The following APBB1IP variants were observed in gnomAD, a reference collection of about 807,000 sequenced individuals.
The protein encoded by APBB1IP is amyloid beta A4 precursor protein-binding family B member 1-interacting protein.
In APBB1IP, 27 loss-of-function variants were observed where a neutral mutation model predicts 64.9. That is an observed-to-expected ratio of 0.42 (90% CI 0.31 to 0.57). The LOEUF (loss-of-function observed/expected upper bound fraction) is 0.57. Ranked by LOEUF, APBB1IP falls within the 20% of genes least tolerant of loss-of-function variation. APBB1IP has a pLI of 0.20. For synonymous variants in APBB1IP, 392 were observed against 331.0 expected (o/e 1.18, Z -2.00); for missense variants, 812 against 845.5 (o/e 0.96, Z 0.49).
At chr10:26,524,071 A>G (rs1046632125) in intron 8 of APBB1IP, among the ~76,000 whole-genome samples, 2 of 152,112 alleles carry the variant, frequency 1.3e-5, no homozygotes, top group African/African-American at 4.8e-5. Flanking sequence ...AGGAGATTAG[A>G]AGGACCTTCT....
chr10:26,560,309 C>G, intron 12 of APBB1IP, 106 bp downstream of exon 12: 1 of 1,013,548 alleles, frequency 9.9e-7, no homozygotes, highest in South Asian at 1.3e-5. Flanking sequence ...CCCTTGGGTT[C>G]AGCCACAGAC....
rs182625522 is a variant in APBB1IP, at chr10:26,505,038, G to A, written c.531+1764G>A. ...CACAAAGTGGTGGGATTACAGGTGTGAGCCACCATGCCTGGCTCTTCATCT... is the reference window on the plus strand; with the variant it reads ...CACAAAGTGGTGGGATTACAGGTGTAAGCCACCATGCCTGGCTCTTCATCT... On this transcript the variant is annotated intron_variant, in intron 6 of 14. Transcript: ENST00000376236. Among the ~76,000 whole-genome samples the A allele has an allele frequency of 1.1e-4, 17 of 152,304 alleles. No individual in the cohort carries two copies. In the East Asian group the frequency reaches 3.3e-3, roughly 29 times the overall value.
At position 26,480,473 on chromosome 10, in the gene APBB1IP, GA is replaced by G. The variant is rs1230984887; in HGVS notation, c.1-11850del. 1.1e-4 allele frequency among the ~76,000 whole-genome samples: 17 copies of G among 152,232 alleles called. No individual in the cohort carries two copies. In the East Asian group the frequency reaches 1.9e-3, roughly 17 times the overall value. On this transcript the variant is annotated intron_variant, in intron 2 of 14. Transcript: ENST00000376236. ...AAAACTGTCAGGAAAGCCAAGTGAA[GA>G]AAATATTTCCAGGAGGGAGTGATCA...
intron 2 of APBB1IP, among the ~76,000 whole-genome samples, chr10:26,473,768 G>A (rs972490545): frequency 1.3e-5 from 2 of 152,106 alleles, no homozygotes; most frequent in Non-Finnish European, 2.9e-5. Context: ...TTGGGAGGCC[G>A]AGGTGGGCAG....
At chr10:26,496,198 G>T in intron 3 of APBB1IP, 106 bp from the exon 4 acceptor site, 1 of 809,972 alleles carries the variant, frequency 1.2e-6, no homozygotes, top group Non-Finnish European at 2.0e-6. Context: ...AACACACTAA[G>T]GGAGAAAATG....
At chr10:26,443,543 TATTCATTC>T (rs1157943416) in intron 2 of APBB1IP, among the ~76,000 whole-genome samples, 1 of 150,290 alleles carries the variant, frequency 6.7e-6, no homozygotes, top group Non-Finnish European at 1.5e-5. Flanking sequence ...TTTATTTATT[TATTCATTC>T]ATTCATTCAT....
chr10:26,503,734 C>T (rs1308843449), intron 6 of APBB1IP, among the ~76,000 whole-genome samples: 1 of 152,172 alleles, frequency 6.6e-6, no homozygotes, highest in African/African-American at 2.4e-5. Flanking sequence ...TAAGAGTACA[C>T]AATTGTTCTT....
intron 10 of APBB1IP, among the ~76,000 whole-genome samples, chr10:26,540,893 C>G (rs1420881429): frequency 1.3e-5 from 2 of 151,208 alleles, no homozygotes; most frequent in Non-Finnish European, 2.9e-5. Context: ...TGCTGATTTA[C>G]TGAGCATAAG....
intron 2 of APBB1IP, among the ~76,000 whole-genome samples, chr10:26,490,395 C>T (rs1460717419): frequency 2.0e-5 from 3 of 152,172 alleles, no homozygotes; most frequent in South Asian, 2.1e-4. Flanking sequence ...GAAGCAGAGG[C>T]GGGCGGATCA....
In APBB1IP at chr10:26,566,976, C is replaced by G. The variant is rs763244242; in HGVS notation, c.1489C>G (p.Leu497Val). Residue 497 changes from leucine to valine, a missense_variant, in exon 15 of 15, where the codon CTC becomes GTC. Physicochemically the swap from Leu to Val is conservative, Grantham distance 32. Coordinates refer to ENST00000376236, the MANE Select transcript of APBB1IP (RefSeq NM_019043.4). The stretch of plus-strand genomic sequence containing the variant: ...TCGGTTGCAGGATAAGAAGCCAGCC[C>G]TCGGGAACCACCACGACCCGGCAGT... Reference protein sequence around the residue: ...AETSKDKKPALGNHHDPAVPR... With the variant: ...AETSKDKKPAVGNHHDPAVPR... The G allele has an allele frequency of 6.3e-7, 1 of 1,580,994 alleles. No homozygotes were observed. The highest frequency in any genetic ancestry group is 8.5e-7 in the Non-Finnish European group (1 of 1,172,586).
intron 2 of APBB1IP, among the ~76,000 whole-genome samples, chr10:26,487,988 C>T (rs766454194): frequency 6.6e-6 from 1 of 152,176 alleles, no homozygotes; most frequent in Non-Finnish European, 1.5e-5. Flanking sequence ...AATGTGTTAA[C>T]ACCAATAATT....
At chr10:26,563,248 G>A (rs907918122) in intron 14 of APBB1IP, among the ~76,000 whole-genome samples, 1 of 152,130 alleles carries the variant, frequency 6.6e-6, no homozygotes, top group Non-Finnish European at 1.5e-5. Context: ...AACTACCTGG[G>A]ATGCTGAGGC....
At chr10:26,545,314 G>A (rs2132472113) in intron 11 of APBB1IP, among the ~76,000 whole-genome samples, 1 of 150,610 alleles carries the variant, frequency 6.6e-6, no homozygotes, top group East Asian at 2.0e-4. Flanking sequence ...GAGGGATTAA[G>A]GATACAGGGA....
chr10:26,523,000 A>G (rs548689895), intron 8 of APBB1IP, among the ~76,000 whole-genome samples: 3 of 123,296 alleles, frequency 2.4e-5, no homozygotes, highest in Admixed American at 8.8e-5. Context: ...GTGAAATGAA[A>G]CTCCATCTCC....
In APBB1IP at chr10:26,513,715, T is replaced by A. The variant is rs1836289737; in HGVS notation, c.813+55T>A. On this transcript the variant is annotated intron_variant, in intron 8 of 14. Coordinates refer to ENST00000376236, the MANE Select transcript of APBB1IP (RefSeq NM_019043.4). ...ATAAAGTACAAAGGATTTTTTTTTT[T>A]TTTGAGACGGAGTCTCAAAGGCTGG... is the stretch of plus-strand genomic sequence containing the variant. The A allele has an allele frequency of 6.5e-6, 10 of 1,543,740 alleles. No individual in the cohort carries two copies. In the South Asian group the frequency reaches 1.3e-4, roughly 20 times the overall value.
At chr10:26,447,528 G>A (rs929675367) in intron 2 of APBB1IP, among the ~76,000 whole-genome samples, 4 of 152,156 alleles carry the variant, frequency 2.6e-5, no homozygotes, top group Admixed American at 2.6e-4. Flanking sequence ...ATGTAACATA[G>A]AATGAGTAAT....
intron 10 of APBB1IP, among the ~76,000 whole-genome samples, chr10:26,538,774 T>G (rs1314576753): frequency 6.6e-6 from 1 of 152,200 alleles, no homozygotes; most frequent in Non-Finnish European, 1.5e-5. Context: ...TTTTATTTAC[T>G]TGAAATTCAC....
At chr10:26,445,125 AAGAAAAGAAAGAAAGAAAG>A (rs1835378490) in intron 2 of APBB1IP, among the ~76,000 whole-genome samples, 1 of 77,810 alleles carries the variant, frequency 1.3e-5, no homozygotes, top group Admixed American at 1.8e-4. Flanking sequence ...GAAAGAAAGA[AAGAAAAGAAAGAAAGAAAG>A]AAAGAAAGAA....
chr10:26,564,220 G>C (rs1311635054), intron 14 of APBB1IP, among the ~76,000 whole-genome samples: 2 of 151,802 alleles, frequency 1.3e-5, no homozygotes, highest in Non-Finnish European at 2.9e-5. Context: ...AAATTGAAAT[G>C]ATAATTATCA....
Sources: allele counts gnomAD v4.1 joint callset (sites outside exome capture counted in the v4.1 genomes callset), GRCh38; gene constraint gnomAD v4.1.1; transcripts MANE v1.5; gene names NCBI Gene and HGNC (gene_info 2026-07-23, HGNC 2026-07-21).